Variants in TEPSIN observed in about 807,000 individuals in gnomAD.
The protein encoded by TEPSIN is AP-4 complex accessory subunit tepsin.
Under a neutral mutation model 48.5 loss-of-function variants are expected in TEPSIN, and 50 were observed. That is an observed-to-expected ratio of 1.03 (90% CI 0.82 to 1.31). The LOEUF (loss-of-function observed/expected upper bound fraction) is 1.31, where lower values mean the gene tolerates loss of function less well. Among genes scored for constraint, TEPSIN ranks in the 50% most tolerant of loss-of-function variants. The pLI, the probability that TEPSIN is intolerant of heterozygous loss-of-function variation, is 0.00. For missense variants in TEPSIN, 838 were observed against 815.9 expected, an observed-to-expected ratio of 1.03 and a Z score of -0.33; for synonymous variants, 392 against 358.8, an observed-to-expected ratio of 1.09 and a Z score of -1.05.
rs779217440 is a variant in TEPSIN, at chr17:81,231,734, GC to G, written c.906-44del. On this transcript the variant is annotated intron_variant, in intron 9 of 12. Coordinates refer to ENST00000637944, the MANE Select transcript of TEPSIN (RefSeq NM_001363764.2). ...CGGGTCAAGGGTGAGTGGAGGCCAT[GC>G]CCCCACTCCTGTCTCGCATGGGGGA... The G allele has an allele frequency of 2.5e-6, 4 of 1,607,740 alleles. No homozygotes were observed. In the South Asian group the frequency reaches 3.3e-5, roughly 13 times the overall value.
In TEPSIN at chr17:81,230,490, T is replaced by C. The variant is rs2146823627; in HGVS notation, c.1233+54A>G. ...CGGGGTGGCCGTGGACTGCAGCGTA[T>C]CTCCCACTGTACCCTTGGACCCCGG... On this transcript the variant is annotated intron_variant, in intron 12 of 12. Coordinates refer to ENST00000637944, the MANE Select transcript of TEPSIN (RefSeq NM_001363764.2). The surrounding 1 kb of genome is among the most constrained non-coding windows in gnomAD (Gnocchi z 4.2). 6.3e-7 allele frequency: 1 copy of C among 1,598,580 alleles called. No individual in the cohort carries two copies. Among genetic ancestry groups the C allele is most frequent in the East Asian group, 2.3e-5 (1 of 44,022 alleles).
intron 3 of TEPSIN, 87 bp downstream of exon 3, chr17:81,236,893 T>TGCCAC: frequency 6.5e-7 from 1 of 1,532,918 alleles, no homozygotes; most frequent in Non-Finnish European, 8.8e-7. Flanking sequence ...CAGAGCTGCC[T>TGCCAC]GCCACCCTGG....
rs527510560 is a variant in TEPSIN, at chr17:81,230,453, G to A, written c.1233+91C>T. On this transcript the variant is annotated intron_variant, in intron 12 of 12. Transcript: ENST00000637944. This position sits in a 1 kb window ranked among gnomAD's most constrained non-coding sequence, Gnocchi z 4.2. ...GGGGTCCGGGAAGGGCTGACCAGGC[G>A]CCGGGCAGGGACGGGGTGGCCGTGG... is the stretch of plus-strand genomic sequence containing the variant. 56 of 1,533,524 alleles carry A rather than the reference G, an allele frequency of 3.7e-5. No homozygotes were observed. In the East Asian group the frequency reaches 8.7e-4, roughly 24 times the overall value. 95.0% of individuals were successfully genotyped at this position (1,533,524 alleles called of 1,614,324 possible).
intron 1 of TEPSIN, chr17:81,237,961 C>T (rs1341393413): frequency 1.1e-5 from 11 of 1,004,056 alleles, no homozygotes; most frequent in African/African-American, 1.7e-5. Context: ...GTTTTACGTT[C>T]GCTTAGCGCA....
rs2062557444 is a variant in TEPSIN at position 81,230,050 on chromosome 17, G to A, written c.1233+494C>T. The A allele has an allele frequency of 5.9e-6, 1 of 169,022 alleles. No homozygotes were observed. Among genetic ancestry groups the A allele is most frequent in the Admixed American group, 6.1e-5 (1 of 16,322 alleles). 10.5% of individuals were successfully genotyped at this position (169,022 alleles called of 1,614,324 possible). ...AAGCTGGGAATGCCCACAGGCAGAGGGAAGGTGCCAGGGCCTGGCGGCCGG... is the reference window on the plus strand; with the variant it reads ...AAGCTGGGAATGCCCACAGGCAGAGAGAAGGTGCCAGGGCCTGGCGGCCGG... On this transcript the variant is annotated intron_variant, in intron 12 of 12. Coordinates refer to ENST00000637944, the MANE Select transcript of TEPSIN (RefSeq NM_001363764.2). The surrounding 1 kb of genome is among the most constrained non-coding windows in gnomAD (Gnocchi z 4.2).
At position 81,229,296 on chromosome 17, in the gene TEPSIN, G is replaced by A. The variant is rs770264835; in HGVS notation, c.1414C>T (p.Pro472Ser). ...GACGGCATCCCAGATGAGGGAGCAG[G>A]GCTCCGGGACGAGACCGGGGTTGAA... is the stretch of plus-strand genomic sequence containing the variant. ...LSSTPVSSRS[P>S]APSSGMPSSP... The change falls in exon 13 of 13, where the codon CCT (proline) becomes TCT (serine). Residue 472 changes from proline to serine, a missense_variant. Physicochemically the swap from Pro to Ser is moderately conservative, Grantham distance 74 (BLOSUM62 -1). Transcript: ENST00000637944. 9.5e-6 allele frequency: 15 copies of A among 1,575,740 alleles called. No homozygotes were observed. Among genetic ancestry groups the A allele is most frequent in the East Asian group, 2.3e-5 (1 of 43,472 alleles).
Position 81,232,469 on chromosome 17 carries a change from C to A in TEPSIN, c.576G>T (p.Val192=), listed in dbSNP as rs61729866. The change falls in exon 8 of 13, where the codon GTG becomes GTT. Residue 192 remains valine, a synonymous_variant. Transcript: ENST00000637944. ...GCCCGGGGCGCATGGCGCTGGCCACCACCTCTGCGGCCTTCTGGATGGTGG... is the reference window on the plus strand; with the variant it reads ...GCCCGGGGCGCATGGCGCTGGCCACAACCTCTGCGGCCTTCTGGATGGTGG... ...FLSTIQKAAE[V]VASAMRPGPE... 3,647 of 1,535,394 alleles carry A rather than the reference C, an allele frequency of 2.4e-3. 83 individuals carry two copies. The African/African-American group carries it at 0.043, about 18-fold the overall frequency.
At chr17:81,238,203 G>C (rs2062761052) in intron 1 of TEPSIN, 1 of 984,880 alleles carries the variant, frequency 1.0e-6, no homozygotes, top group Non-Finnish European at 1.2e-6. Context: ...TGTTTCCCGA[G>C]GCTGTGGACA....
At position 81,232,406 on chromosome 17, in the gene TEPSIN, A is replaced by AC; in HGVS notation, c.638dup (p.Asp214Ter). ...GCATCATGGCAGGCTGGTAGGTGTCACCCCGCGGCAGGAGCCTCCGGGTAC... is the reference window on the plus strand; with the variant it reads ...GCATCATGGCAGGCTGGTAGGTGTCACCCCCGCGGCAGGAGCCTCCGGGTAC... On this transcript the variant is annotated frameshift_variant, in exon 8 of 13. Coordinates refer to ENST00000637944, the MANE Select transcript of TEPSIN (RefSeq NM_001363764.2). LOFTEE classifies it high-confidence loss of function. 1 of 1,535,478 alleles carries AC rather than the reference A, an allele frequency of 6.5e-7. No homozygotes were observed.
Position 81,233,841 on chromosome 17 carries a change from CT to C in TEPSIN, c.376-126del. On this transcript the variant is annotated intron_variant, in intron 5 of 12. Transcript: ENST00000637944. This position sits in a 1 kb window ranked among gnomAD's most constrained non-coding sequence, Gnocchi z 5.8. The stretch of plus-strand genomic sequence containing the variant: ...CCTGAGCCACTCAGCTGGACACAGG[CT>C]CTGTGTCCACCAGCAAGGAGCAGAG... 5 of 1,341,800 alleles carry C rather than the reference CT, an allele frequency of 3.7e-6. No homozygotes were observed. Among genetic ancestry groups the C allele is most frequent in the Non-Finnish European group, 5.0e-6 (5 of 990,492 alleles). The allele number at this position is 1,341,800 out of a possible 1,614,324, so 83.1% of individuals were successfully genotyped here.
intron 2 of TEPSIN, 44 bp downstream of exon 2, chr17:81,237,343 G>A (rs776406306): frequency 8.2e-6 from 13 of 1,590,882 alleles, no homozygotes; most frequent in Non-Finnish European, 1.1e-5. Flanking sequence ...CTGGGACCCT[G>A]CCATCCGCTC....
chr17:81,231,755 G>T (rs1163839642), intron 9 of TEPSIN, 64 bp from the exon 10 acceptor site: 4 of 1,607,500 alleles, frequency 2.5e-6, no homozygotes, highest in Non-Finnish European at 3.4e-6. Flanking sequence ...TGTCTCGCAT[G>T]GGGGAGAACC....
chr17:81,233,669 G>A lies in TEPSIN; in HGVS notation c.423C>T (p.Pro141=). 1 of 1,600,628 alleles carries A rather than the reference G, an allele frequency of 6.2e-7. No homozygotes were observed. The highest frequency in any genetic ancestry group is 8.5e-7 in the Non-Finnish European group (1 of 1,175,898). The change falls in exon 6 of 13, where the codon CCC becomes CCT. Residue 141 remains proline (P), a synonymous_variant. Transcript: ENST00000637944. This position sits in a 1 kb window ranked among gnomAD's most constrained non-coding sequence, Gnocchi z 5.8. ...LFSDTVLPLA[P]SQPLGTPPAT... ...CAGGCGGGGTCCCCAGAGGCTGGGAGGGAGCCAGCGGCAACACGGTGTCCG... is the reference window on the plus strand; with the variant it reads ...CAGGCGGGGTCCCCAGAGGCTGGGAAGGAGCCAGCGGCAACACGGTGTCCG...
chr17:81,230,907 C>T lies in TEPSIN; in HGVS notation c.1099-229G>A. On this transcript the variant is annotated intron_variant, in intron 11 of 12. Coordinates refer to ENST00000637944, the MANE Select transcript of TEPSIN (RefSeq NM_001363764.2). This position sits in a 1 kb window ranked among gnomAD's most constrained non-coding sequence, Gnocchi z 4.2. ...ACACCCCCGCTCCCAGACACCAGAGCCCTGTCTTCACCGCCTTACACCCCA... is the reference window on the plus strand; with the variant it reads ...ACACCCCCGCTCCCAGACACCAGAGTCCTGTCTTCACCGCCTTACACCCCA... 1 of 584,436 alleles carries T rather than the reference C, an allele frequency of 1.7e-6. No homozygotes were observed. Among genetic ancestry groups the T allele is most frequent in the East Asian group, 3.2e-5 (1 of 31,324 alleles). The allele number at this position is 584,436 out of a possible 1,614,324, so 36.2% of individuals were successfully genotyped here. A position where few individuals can be genotyped will look rare whatever the true frequency, so the allele number is the denominator to read the frequency against.
rs373952381 is a variant in TEPSIN, at chr17:81,231,710, G to A, written c.906-19C>T. The stretch of plus-strand genomic sequence containing the variant: ...CTCGACCCTGCCAGGGGGAATGGCC[G>A]GGTCAAGGGTGAGTGGAGGCCATGC... On this transcript the variant is annotated intron_variant, in intron 9 of 12. Transcript: ENST00000637944. 3.2e-5 allele frequency: 52 copies of A among 1,610,046 alleles called. No homozygotes were observed. The highest frequency in any genetic ancestry group is 4.4e-5 in the South Asian group (4 of 90,740).
Position 81,230,506 on chromosome 17 carries a change from T to C in TEPSIN, c.1233+38A>G, listed in dbSNP as rs765970449. On this transcript the variant is annotated intron_variant, in intron 12 of 12. Coordinates refer to ENST00000637944, the MANE Select transcript of TEPSIN (RefSeq NM_001363764.2). The surrounding 1 kb of genome is among the most constrained non-coding windows in gnomAD (Gnocchi z 4.2). ...TGCAGCGTATCTCCCACTGTACCCT[T>C]GGACCCCGGTGTGCGTGTGGCCTCC... The C allele has an allele frequency of 8.7e-6, 14 of 1,606,828 alleles. 1 individual carries two copies. In the Admixed American group the frequency reaches 1.8e-4, roughly 21 times the overall value.
intron 12 of TEPSIN, 99 bp from the exon 13 acceptor site, chr17:81,229,575 C>A: frequency 5.3e-6 from 7 of 1,332,142 alleles, no homozygotes; most frequent in Admixed American, 2.3e-5. Flanking sequence ...GTCCCTCCAC[C>A]CAGAGGGCAG....
In TEPSIN at chr17:81,228,513, C is replaced by G. The variant is rs1415553302; in HGVS notation, c.*415G>C. Reference sequence around the variant, plus strand: ...CACCCTCAACCCACATGCACCAAACCCAGCCTCAGCACCTAGCCCACCCCG... The same window carrying G: ...CACCCTCAACCCACATGCACCAAACGCAGCCTCAGCACCTAGCCCACCCCG... On this transcript the variant is annotated 3_prime_UTR_variant, in exon 13 of 13. Coordinates refer to ENST00000637944, the MANE Select transcript of TEPSIN (RefSeq NM_001363764.2). 9 of 287,062 alleles carry G rather than the reference C, an allele frequency of 3.1e-5. No homozygotes were observed. The highest frequency in any genetic ancestry group is 6.0e-5 in the Non-Finnish European group (9 of 150,984). 17.8% of individuals were successfully genotyped at this position (287,062 alleles called of 1,614,324 possible).
intron 4 of TEPSIN, among the ~76,000 whole-genome samples, chr17:81,235,123 C>T (rs925925386): frequency 2.0e-5 from 3 of 152,214 alleles, no homozygotes; most frequent in Admixed American, 1.3e-4. Flanking sequence ...CTCCTTCCAA[C>T]CCTGCCATAA....
Sources: allele counts gnomAD v4.1 joint callset (sites outside exome capture counted in the v4.1 genomes callset), GRCh38; gene constraint gnomAD v4.1.1; non-coding constraint Gnocchi (gnomAD v3.1); transcripts MANE v1.5; gene names NCBI Gene and HGNC (gene_info 2026-07-23, HGNC 2026-07-21).